Variants in NDC1 observed in about 807,000 individuals in gnomAD.
The protein encoded by NDC1 is nucleoporin NDC1.
Under a neutral mutation model 89.8 loss-of-function variants are expected in NDC1, and 24 were observed. That is an observed-to-expected ratio of 0.27 (90% CI 0.19 to 0.38). The LOEUF (loss-of-function observed/expected upper bound fraction) is 0.38, where lower values mean the gene tolerates loss of function less well. Ranked by LOEUF, NDC1 falls within the 10% of genes least tolerant of loss-of-function variation. The pLI is 1.00. For missense variants in NDC1, 728 were observed against 797.6 expected, an observed-to-expected ratio of 0.91 and a Z score of 1.05; for synonymous variants, 296 against 284.8, an observed-to-expected ratio of 1.04 and a Z score of -0.39.
At chr1:53,819,151 A>C in intron 5 of NDC1, 72 bp from the exon 6 acceptor site, 1 of 733,410 alleles carries the variant, frequency 1.4e-6, no homozygotes, top group Non-Finnish European at 2.4e-6. Flanking sequence ...CCTTAAAGCA[A>C]GCACTTTACT....
chr1:53,827,852 C>T (rs1478232320), intron 4 of NDC1, 147 bp downstream of exon 4: 32 of 558,808 alleles, frequency 5.7e-5, no homozygotes, highest in Non-Finnish European at 9.0e-5. Context: ...TCAATAAACA[C>T]AAAATATTAA....
At chr1:53,788,454 T>A (rs1204308499) in intron 15 of NDC1, among the ~76,000 whole-genome samples, 3 of 152,006 alleles carry the variant, frequency 2.0e-5, no homozygotes, top group Non-Finnish European at 1.5e-5. Context: ...GAGATGGAGT[T>A]GCGCTATTTG....
chr1:53,791,519 T>C (rs966042637), intron 14 of NDC1, among the ~76,000 whole-genome samples: 1 of 152,204 alleles, frequency 6.6e-6, no homozygotes, highest in Non-Finnish European at 1.5e-5. Context: ...TACCCTTCTT[T>C]AACGTACCAC....
chr1:53,836,520 G>A (rs1349140744), intron 1 of NDC1, among the ~76,000 whole-genome samples: 2 of 149,620 alleles, frequency 1.3e-5, no homozygotes, highest in Non-Finnish European at 3.0e-5. Flanking sequence ...GTGATTTTGA[G>A]ACAGCTCGCT....
chr1:53,782,228 G>C (rs1287550146), intron 16 of NDC1, among the ~76,000 whole-genome samples: 1 of 152,152 alleles, frequency 6.6e-6, no homozygotes, highest in Non-Finnish European at 1.5e-5. Flanking sequence ...TAAGAGCAGA[G>C]GACTCATGGG....
At chr1:53,794,045 AG>A (rs1157986152) in intron 13 of NDC1, among the ~76,000 whole-genome samples, 1 of 151,702 alleles carries the variant, frequency 6.6e-6, no homozygotes, top group Non-Finnish European at 1.5e-5. Context: ...GCACATTCAT[AG>A]CTCACTGCAA....
chr1:53,786,542 G>A (rs1403930501), intron 16 of NDC1, among the ~76,000 whole-genome samples: 1 of 152,194 alleles, frequency 6.6e-6, no homozygotes. Context: ...TACAAATTGT[G>A]TAAGGATTTA....
chr1:53,778,266 C>CACACACACATAT (rs1318459843), intron 16 of NDC1, among the ~76,000 whole-genome samples: 22 of 139,986 alleles, frequency 1.6e-4, no homozygotes, highest in African/African-American at 5.7e-4. Context: ...TATATACACA[C>CACACACACATAT]ACACACACAC....
intron 5 of NDC1, among the ~76,000 whole-genome samples, chr1:53,821,595 C>T (rs145906212): frequency 3.7e-4 from 56 of 152,320 alleles, no homozygotes; most frequent in African/African-American, 1.1e-3. Context: ...CCACCACACA[C>T]CTGCCCCAAT....
At chr1:53,792,509 T>C (rs537101752) in intron 14 of NDC1, among the ~76,000 whole-genome samples, 2 of 152,188 alleles carry the variant, frequency 1.3e-5, no homozygotes, top group South Asian at 4.1e-4. Context: ...ATAATAAATA[T>C]AACAGATGCC....
At chr1:53,819,815 TC>T (rs1307786561) in intron 5 of NDC1, among the ~76,000 whole-genome samples, 1 of 152,130 alleles carries the variant, frequency 6.6e-6, no homozygotes, top group Non-Finnish European at 1.5e-5. Context: ...GCTAAATAGT[TC>T]CTTAGTGGGA....
At chr1:53,792,468 G>C (rs1647552358) in intron 14 of NDC1, among the ~76,000 whole-genome samples, 1 of 152,180 alleles carries the variant, frequency 6.6e-6, no homozygotes, top group African/African-American at 2.4e-5. Flanking sequence ...GGGTTGCTCA[G>C]ACCTCTTTTC....
chr1:53,770,258 A>G (rs1173726246), intron 17 of NDC1, among the ~76,000 whole-genome samples: 1 of 152,092 alleles, frequency 6.6e-6, no homozygotes, highest in African/African-American at 2.4e-5. Context: ...AAAAGAAACT[A>G]AGGCGGAATT....
intron 8 of NDC1, among the ~76,000 whole-genome samples, chr1:53,807,063 G>A (rs1438270968): frequency 6.6e-6 from 1 of 151,784 alleles, no homozygotes; most frequent in Non-Finnish European, 1.5e-5. Context: ...TGGCCAACAT[G>A]GTGAAACCCT....
chr1:53,800,303 A>T (rs879132529), intron 11 of NDC1, among the ~76,000 whole-genome samples: 3 of 147,920 alleles, frequency 2.0e-5, no homozygotes, highest in African/African-American at 7.5e-5. Flanking sequence ...TCACACTCAT[A>T]TAAGTATCCT....
chr1:53,811,332 C>A (rs1282383106), intron 6 of NDC1, among the ~76,000 whole-genome samples: 1 of 151,896 alleles, frequency 6.6e-6, no homozygotes, highest in East Asian at 1.9e-4. Context: ...GGGGCAAGAA[C>A]CAAGCTCTTT....
At chr1:53,832,643 G>A (rs185428601) in intron 2 of NDC1, 52 bp from the exon 3 acceptor site, 459 of 877,704 alleles carry the variant, frequency 5.2e-4, no homozygotes, top group Non-Finnish European at 7.3e-4. Context: ...ATGTAGTCAC[G>A]TTCAGGACAC....
At chr1:53,818,570 C>A (rs960824104) in intron 6 of NDC1, among the ~76,000 whole-genome samples, 1 of 152,154 alleles carries the variant, frequency 6.6e-6, no homozygotes, top group East Asian at 1.9e-4. Context: ...CTGAACAACT[C>A]CACCCCTTCC....
chr1:53,770,085 A>G (rs1357842474), intron 17 of NDC1, among the ~76,000 whole-genome samples: 1 of 152,188 alleles, frequency 6.6e-6, no homozygotes, highest in Non-Finnish European at 1.5e-5. Context: ...ACATTTGTAC[A>G]AATAGCCTCC....
Sources: gnomAD v4.1 joint callset for allele counts (sites outside exome capture counted in the v4.1 genomes callset) on GRCh38, gnomAD v4.1.1 for gene constraint, MANE v1.5 for transcripts, NCBI Gene and HGNC (gene_info 2026-07-23, HGNC 2026-07-21) for gene names.